GPC6: variants seen among roughly 807,000 people sequenced by gnomAD.
GPC6 encodes glypican 6.
GPC6 carries 14 observed loss-of-function variants against 55.2 expected under a neutral mutation model. The observed-to-expected ratio is 0.25, with a 90% CI of 0.17 to 0.40. GPC6 has a LOEUF of 0.40. GPC6 is among the 10% of genes least tolerant of loss of function. GPC6 has a pLI of 1.00. For synonymous variants in GPC6, 278 were observed against 259.6 expected (o/e 1.07, Z -0.68); for missense variants, 641 against 708.5 (o/e 0.90, Z 1.08).
Position 94,220,254 on chromosome 13 carries a change from C to T in GPC6, c.878-66095C>T, listed in dbSNP as rs556081178. Among the ~76,000 whole-genome samples the T allele has an allele frequency of 2.6e-4, 39 of 152,234 alleles. 1 individual carries two copies. The highest frequency in any genetic ancestry group is 1.3e-3 in the Admixed American group (20 of 15,282). ...GGCCAAGAAAACACTGGCTTGTTCT[C>T]ACATACGTTCCAAGTCCTCTTCATT... On this transcript the variant is annotated intron_variant, in intron 4 of 8. Coordinates refer to ENST00000377047, the MANE Select transcript of GPC6 (RefSeq NM_005708.5).
intron 3 of GPC6, among the ~76,000 whole-genome samples, chr13:94,010,900 T>C (rs141068153): frequency 6.6e-6 from 1 of 152,118 alleles, no homozygotes; most frequent in Non-Finnish European, 1.5e-5. Context: ...GAAAATGGGA[T>C]CATGGATGAT....
intron 6 of GPC6, among the ~76,000 whole-genome samples, chr13:94,367,067 A>C (rs1879318384): frequency 6.6e-6 from 1 of 152,238 alleles, no homozygotes; most frequent in Non-Finnish European, 1.5e-5. Context: ...CAAAGCAACA[A>C]ATCCCAAGTC....
At chr13:93,771,454 G>A (rs557726495) in intron 2 of GPC6, among the ~76,000 whole-genome samples, 43 of 152,120 alleles carry the variant, frequency 2.8e-4, no homozygotes, top group Non-Finnish European at 4.1e-4. Flanking sequence ...CACACGTGTC[G>A]GGGAGTGCAC....
At chr13:94,188,364 C>T (rs538541632) in intron 4 of GPC6, among the ~76,000 whole-genome samples, 1 of 152,260 alleles carries the variant, frequency 6.6e-6, no homozygotes, top group East Asian at 1.9e-4. Context: ...TGAAGCTTGA[C>T]CACAGGCACG....
At chr13:94,256,058 G>A (rs1891492866) in intron 4 of GPC6, among the ~76,000 whole-genome samples, 1 of 151,848 alleles carries the variant, frequency 6.6e-6, no homozygotes, top group Non-Finnish European at 1.5e-5. Flanking sequence ...CAAAATCAAA[G>A]TGGAAAAAAA....
intron 1 of GPC6, among the ~76,000 whole-genome samples, chr13:93,522,745 G>C (rs1482700599): frequency 6.6e-6 from 1 of 151,830 alleles, no homozygotes; most frequent in East Asian, 1.9e-4. Context: ...CTGCAGATAG[G>C]CTAAAATCCG....
At chr13:93,728,971 G>A (rs568395207) in intron 2 of GPC6, among the ~76,000 whole-genome samples, 1 of 152,240 alleles carries the variant, frequency 6.6e-6, no homozygotes, top group East Asian at 1.9e-4. Context: ...TACAACTAAT[G>A]GTTGCTGAAT....
intron 6 of GPC6, among the ~76,000 whole-genome samples, chr13:94,320,710 C>G (rs1343071684): frequency 2.0e-5 from 3 of 152,260 alleles, no homozygotes; most frequent in Non-Finnish European, 2.9e-5. Context: ...CAAATCCATT[C>G]TTAGTACTCT....
At chr13:93,716,621 A>G (rs185058388) in intron 2 of GPC6, among the ~76,000 whole-genome samples, 5 of 151,740 alleles carry the variant, frequency 3.3e-5, no homozygotes, top group African/African-American at 1.2e-4. Context: ...CAAAAGAGTC[A>G]GTAAGTTAAA....
chr13:93,439,711 A>AATGAAATGAAATGAAAT (rs1566358134), intron 1 of GPC6, among the ~76,000 whole-genome samples: 2 of 149,964 alleles, frequency 1.3e-5, no homozygotes, highest in African/African-American at 5.0e-5. Context: ...AAATAAAATA[A>AATGAAATGAAATGAAAT]AATAAAATAA....
At chr13:93,751,108 G>A (rs1884566201) in intron 2 of GPC6, among the ~76,000 whole-genome samples, 1 of 152,114 alleles carries the variant, frequency 6.6e-6, no homozygotes, top group Admixed American at 6.6e-5. Context: ...TACTTTGCAA[G>A]AATAGAGTGC....
At chr13:93,279,983 C>T (rs1877893776) in intron 1 of GPC6, among the ~76,000 whole-genome samples, 1 of 152,126 alleles carries the variant, frequency 6.6e-6, no homozygotes, top group African/African-American at 2.4e-5. Context: ...TGGGAAATGC[C>T]TAGCCTGACG....
intron 1 of GPC6, among the ~76,000 whole-genome samples, chr13:93,342,918 A>C (rs1372870065): frequency 6.6e-6 from 1 of 152,200 alleles, no homozygotes; most frequent in South Asian, 2.1e-4. Context: ...TTGGAAGTAC[A>C]ACCACACAGG....
chr13:93,354,775 C>T (rs1383368322), intron 1 of GPC6, among the ~76,000 whole-genome samples: 1 of 152,176 alleles, frequency 6.6e-6, no homozygotes, highest in East Asian at 1.9e-4. Flanking sequence ...GAAGGTTGTC[C>T]TGGCATTTCT....
chr13:94,349,528 C>A (rs1418665814), intron 6 of GPC6, among the ~76,000 whole-genome samples: 1 of 152,322 alleles, frequency 6.6e-6, no homozygotes, highest in African/African-American at 2.4e-5. Flanking sequence ...GCATCAAGTT[C>A]AATGTCTCTA....
At chr13:94,128,814 T>G (rs1488959179) in intron 4 of GPC6, among the ~76,000 whole-genome samples, 2 of 152,174 alleles carry the variant, frequency 1.3e-5, no homozygotes, top group African/African-American at 4.8e-5. Flanking sequence ...CATATCTTTA[T>G]TCAGAAGGTC....
chr13:94,382,502 C>T lies in GPC6; in HGVS notation c.1241C>T (p.Ala414Val), dbSNP rs754253693. Residue 414 changes from alanine (A) to valine (V), a missense_variant, in exon 7 of 9, where the codon GCG (alanine) becomes GTG (valine). Physicochemically the swap from Ala to Val is moderately conservative, Grantham distance 64. Transcript: ENST00000377047. ...YTICKDESVT[A>V]GTSNEEECWN... ...ATCTGCAAGGACGAGAGCGTGACAG[C>T]GGGCACGTCCAACGAGGAGGAATGC... 17 of 1,614,086 alleles carry T rather than the reference C, an allele frequency of 1.1e-5. No homozygotes were observed. Among genetic ancestry groups the T allele is most frequent in the East Asian group, 4.5e-5 (2 of 44,876 alleles).
chr13:94,274,351 C>A (rs950449785), intron 4 of GPC6, among the ~76,000 whole-genome samples: 2 of 152,190 alleles, frequency 1.3e-5, no homozygotes, highest in African/African-American at 4.8e-5. Context: ...TCATTAAATT[C>A]TCTTTTATTT....
chr13:93,221,947 T>C (rs438139), upstream of GPC6, among the ~76,000 whole-genome samples: 145,389 of 152,230 alleles, frequency 0.96, 69,777 homozygotes, highest in East Asian at 1. Flanking sequence ...AAAATTCACC[T>C]ATTATTTTCA....
Sources: allele counts gnomAD v4.1 joint callset (sites outside exome capture counted in the v4.1 genomes callset), GRCh38; gene constraint gnomAD v4.1.1; transcripts MANE v1.5; gene names NCBI Gene and HGNC (gene_info 2026-07-23, HGNC 2026-07-21).